FMNL2: variants seen among roughly 807,000 people sequenced by gnomAD.
FMNL2 encodes the protein formin like 2, also known as formin-like protein 2.
A neutral mutation model predicts 130.2 loss-of-function variants in FMNL2; 51 were observed. The ratio of observed to expected loss-of-function variants is 0.39; its 90% CI spans 0.31 to 0.49. The LOEUF (loss-of-function observed/expected upper bound fraction) is 0.49, where lower values mean the gene tolerates loss of function less well. Among genes scored for constraint, FMNL2 ranks in the 20% least tolerant of loss-of-function variants. The pLI is 0.85. For synonymous variants in FMNL2, 465 were observed against 467.1 expected, an observed-to-expected ratio of 1.00 and a Z score of 0.06; for missense variants, 977 against 1,316.2, an observed-to-expected ratio of 0.74 and a Z score of 3.99.
intron 8 of FMNL2, among the ~76,000 whole-genome samples, chr2:152,580,753 T>C (rs1277823425): frequency 6.6e-6 from 1 of 152,200 alleles, no homozygotes; most frequent in Non-Finnish European, 1.5e-5. Context: ...AAGTATACCT[T>C]CCAAATTTGC....
chr2:152,373,219 C>G (rs1683981979), intron 1 of FMNL2, among the ~76,000 whole-genome samples: 1 of 152,112 alleles, frequency 6.6e-6, no homozygotes, highest in African/African-American at 2.4e-5. Flanking sequence ...AAGGTTAATT[C>G]TTTAACTTGA....
intron 2 of FMNL2, among the ~76,000 whole-genome samples, chr2:152,542,209 T>A (rs12467702): frequency 2.6e-5 from 4 of 152,082 alleles, no homozygotes; most frequent in South Asian, 2.1e-4. Flanking sequence ...AACATAACAC[T>A]CCCACATTCC....
rs114307263 is a variant in FMNL2 at position 152,377,451 on chromosome 2, A to G, written c.117+41731A>G. Among the ~76,000 whole-genome samples, 800 of 152,330 alleles carry G rather than the reference A, an allele frequency of 5.3e-3. 10 individuals carry two copies. Among genetic ancestry groups the G allele is most frequent in the African/African-American group, 0.018 (746 of 41,570 alleles). On this transcript the variant is annotated intron_variant, in intron 1 of 25. Transcript: ENST00000288670. ...TTAATGCATTTATTTTTTATCTTCT[A>G]TAGTTTCCTGTTCAATATGGTAGCA...
chr2:152,400,187 C>T (rs1272580246), intron 1 of FMNL2, among the ~76,000 whole-genome samples: 2 of 152,178 alleles, frequency 1.3e-5, no homozygotes, highest in Admixed American at 6.5e-5. Context: ...GGTCCCAGCA[C>T]TTTGGGAAGC....
chr2:152,394,000 A>AATC, intron 1 of FMNL2, among the ~76,000 whole-genome samples: 2 of 152,354 alleles, frequency 1.3e-5, no homozygotes, highest in Admixed American at 1.3e-4. Context: ...CTGTAGAAGA[A>AATC]CAGGCGGTGG....
intron 1 of FMNL2, among the ~76,000 whole-genome samples, chr2:152,460,132 C>T (rs975928508): frequency 2.0e-5 from 3 of 152,080 alleles, no homozygotes; most frequent in Admixed American, 1.3e-4. Context: ...ATGTCCTTTT[C>T]GCAGTGGGCT....
intron 1 of FMNL2, among the ~76,000 whole-genome samples, chr2:152,412,447 TATATATATATATATATATATATATA>T (rs1490372579): frequency 1.2e-4 from 1 of 8,264 alleles, no homozygotes; most frequent in Admixed American, 1.0e-3. Context: ...CTGTATATTT[TATATATATATATATATATATATATA>T]TATATATATA....
intron 23 of FMNL2, 128 bp downstream of exon 23, chr2:152,637,802 G>C: frequency 1.3e-6 from 1 of 754,574 alleles, no homozygotes; most frequent in Non-Finnish European, 2.2e-6. Context: ...GCATTCACGA[G>C]ATAGCAGTCC....
intron 1 of FMNL2, among the ~76,000 whole-genome samples, chr2:152,490,293 T>G (rs1456946205): frequency 6.8e-6 from 1 of 148,108 alleles, no homozygotes; most frequent in African/African-American, 2.5e-5. Context: ...GTGGGAGAGG[T>G]TTGGGGGCTG....
intron 1 of FMNL2, among the ~76,000 whole-genome samples, chr2:152,404,665 C>T (rs1685884800): frequency 6.6e-6 from 1 of 152,010 alleles, no homozygotes; most frequent in Non-Finnish European, 1.5e-5. Flanking sequence ...GTGGTGGTGG[C>T]GGTGGCAGTG....
At position 152,536,331 on chromosome 2, in the gene FMNL2, GCTTAACTCTGAAGAGTA is replaced by G. The variant is rs139729230; in HGVS notation, c.202-6403_202-6387del. ...TTGAGGATATGAATTATGTCTGTCA[GCTTAACTCTGAAGAGTA>G]CTTAGCACTAAGCTAAATCTTACAA... is the stretch of plus-strand genomic sequence containing the variant. On this transcript the variant is annotated intron_variant, in intron 2 of 25. Transcript: ENST00000288670. Among the ~76,000 whole-genome samples, 927 of 152,278 alleles carry G rather than the reference GCTTAACTCTGAAGAGTA, an allele frequency of 6.1e-3. 11 individuals are homozygous for G. The highest frequency in any genetic ancestry group is 0.021 in the African/African-American group (878 of 41,548).
rs1553871971 is a variant in FMNL2, at chr2:152,375,896, T to TATATAC, written c.117+40177_117+40178insTATACA. On this transcript the variant is annotated intron_variant, in intron 1 of 25. Coordinates refer to ENST00000288670, the MANE Select transcript of FMNL2 (RefSeq NM_052905.4). ...CTCTCTCTATATATATATATATATATAATTATTATTATTTTTTGAGACAGT... is the reference window on the plus strand; with the variant it reads ...CTCTCTCTATATATATATATATATATATATACAATTATTATTATTTTTTGAGACAGT... Among the ~76,000 whole-genome samples, 246 of 143,646 alleles carry TATATAC rather than the reference T, an allele frequency of 1.7e-3. 2 individuals are homozygous for TATATAC. The highest frequency in any genetic ancestry group is 5.6e-3 in the African/African-American group (220 of 39,006). The allele number at this position is 143,646 out of a possible 152,430, so 94.2% of individuals were successfully genotyped here.
chr2:152,575,565 C>T (rs1696431063), intron 7 of FMNL2, among the ~76,000 whole-genome samples: 1 of 152,130 alleles, frequency 6.6e-6, no homozygotes, highest in African/African-American at 2.4e-5. Context: ...CTGGTTCATC[C>T]TAATTCTCAA....
At chr2:152,528,087 CCTTT>C (rs1380165562) in intron 2 of FMNL2, among the ~76,000 whole-genome samples, 2 of 152,096 alleles carry the variant, frequency 1.3e-5, no homozygotes, top group African/African-American at 4.8e-5. Context: ...TTTATAGTTA[CCTTT>C]CTTTTACAAT....
At chr2:152,541,485 G>C (rs986540653) in intron 2 of FMNL2, among the ~76,000 whole-genome samples, 1 of 152,124 alleles carries the variant, frequency 6.6e-6, no homozygotes, top group African/African-American at 2.4e-5. Context: ...AACCAGCATA[G>C]TAAGTAGTAT....
chr2:152,381,301 T>C (rs1192750195), intron 1 of FMNL2, among the ~76,000 whole-genome samples: 1 of 152,196 alleles, frequency 6.6e-6, no homozygotes, highest in Admixed American at 6.5e-5. Flanking sequence ...TGCCATGGCA[T>C]ATTTCATACG....
intron 1 of FMNL2, among the ~76,000 whole-genome samples, chr2:152,401,482 T>C (rs1473717708): frequency 6.6e-6 from 1 of 152,240 alleles, no homozygotes; most frequent in Non-Finnish European, 1.5e-5. Flanking sequence ...CTGTCATTTA[T>C]GCTTGAAGAA....
chr2:152,340,207 G>GTTGCCTA (rs1043402445), intron 1 of FMNL2, among the ~76,000 whole-genome samples: 24 of 152,004 alleles, frequency 1.6e-4, no homozygotes, highest in East Asian at 1.3e-3. Context: ...AGATATCTAA[G>GTTGCCTA]TTGCCTAAAA....
intron 25 of FMNL2, 58 bp downstream of exon 25, chr2:152,640,972 G>T: frequency 6.2e-7 from 1 of 1,601,418 alleles, no homozygotes; most frequent in Non-Finnish European, 8.5e-7. Context: ...ACCTAGACTG[G>T]GATGCATGCA....
Sources: gnomAD v4.1 joint callset for allele counts (sites outside exome capture counted in the v4.1 genomes callset) on GRCh38, gnomAD v4.1.1 for gene constraint, MANE v1.5 for transcripts, NCBI Gene and HGNC (gene_info 2026-07-23, HGNC 2026-07-21) for gene names.